Variants in KCNU1 observed in about 807,000 individuals in gnomAD.
The protein encoded by KCNU1 is potassium calcium-activated channel subfamily U member 1.
In KCNU1, 93 loss-of-function variants were observed where a neutral mutation model predicts 126.8. The observed-to-expected ratio is 0.73, with a 90% CI of 0.62 to 0.87. The LOEUF (loss-of-function observed/expected upper bound fraction) is 0.87. Ranked by LOEUF, KCNU1 falls within the 40% of genes least tolerant of loss-of-function variation. The pLI is 0.00. For missense variants in KCNU1, 1,330 were observed against 1,367.1 expected, an observed-to-expected ratio of 0.97 and a Z score of 0.43; for synonymous variants, 523 against 494.2, an observed-to-expected ratio of 1.06 and a Z score of -0.77.
In KCNU1 at chr8:36,882,620, G is replaced by A. The variant is rs1386592743; in HGVS notation, c.2009+18099G>A. 3.3e-5 allele frequency among the ~76,000 whole-genome samples: 5 copies of A among 151,630 alleles called. No homozygotes were observed. The East Asian group carries it at 9.7e-4, about 29-fold the overall frequency. On this transcript the variant is annotated intron_variant, in intron 19 of 26. Coordinates refer to ENST00000399881, the MANE Select transcript of KCNU1 (RefSeq NM_001031836.3). ...TTTTTTGAGGTGGAGTTTTGCTCTT[G>A]TTGCCCAGGCTGGAGTACAGTGGCA...
chr8:36,833,234 C>T (rs1394088276), intron 10 of KCNU1, among the ~76,000 whole-genome samples: 1 of 152,076 alleles, frequency 6.6e-6, no homozygotes, highest in Non-Finnish European at 1.5e-5. Flanking sequence ...GTCAAAATCT[C>T]TCATAACAGT....
intron 23 of KCNU1, 150 bp from the exon 24 acceptor site, chr8:36,922,340 A>T (rs1383692427): frequency 8.5e-6 from 6 of 705,864 alleles, no homozygotes; most frequent in East Asian, 2.7e-5. Context: ...GAAAAAAAAA[A>T]TGTACTGAAA....
chr8:36,817,499 C>CAAAAAAAAA (rs375306964), intron 9 of KCNU1, 151 bp from the exon 10 acceptor site: 21 of 234,696 alleles, frequency 8.9e-5, no homozygotes, highest in East Asian at 7.5e-4. Context: ...AACTCCATCT[C>CAAAAAAAAA]AAAAAAAAAA....
chr8:36,913,890 C>T (rs929948938), intron 22 of KCNU1, among the ~76,000 whole-genome samples: 3 of 152,022 alleles, frequency 2.0e-5, no homozygotes, highest in Admixed American at 6.5e-5. Flanking sequence ...CTTGAGCCAC[C>T]ACGCCTGGCC....
At chr8:36,790,409 A>T (rs932855103) in intron 2 of KCNU1, among the ~76,000 whole-genome samples, 4 of 152,250 alleles carry the variant, frequency 2.6e-5, no homozygotes, top group African/African-American at 9.6e-5. Flanking sequence ...GTTAGAAATT[A>T]ATGAATTATA....
At chr8:36,922,886 G>C (rs756993684) in intron 24 of KCNU1, 1 of 569,124 alleles carries the variant, frequency 1.8e-6, no homozygotes, top group Non-Finnish European at 3.3e-6. Flanking sequence ...AGTGAGTGTC[G>C]GCCTCTCAGC....
At chr8:36,877,179 T>C (rs1806305804) in intron 19 of KCNU1, among the ~76,000 whole-genome samples, 1 of 152,058 alleles carries the variant, frequency 6.6e-6, no homozygotes, top group Admixed American at 6.6e-5. Flanking sequence ...GGGCTAGCAG[T>C]TGGGGTAAGG....
intron 19 of KCNU1, among the ~76,000 whole-genome samples, chr8:36,898,197 A>C (rs1321111499): frequency 6.6e-6 from 1 of 152,120 alleles, no homozygotes; most frequent in Non-Finnish European, 1.5e-5. Flanking sequence ...GACTTCACAA[A>C]TAACTTCCTA....
At chr8:36,806,515 G>A (rs1346936812) in intron 5 of KCNU1, 135 bp downstream of exon 5, 2 of 587,810 alleles carry the variant, frequency 3.4e-6, no homozygotes, top group Non-Finnish European at 3.0e-6. Context: ...TAATAGTATG[G>A]TTTTGTCATA....
intron 19 of KCNU1, among the ~76,000 whole-genome samples, chr8:36,893,896 C>T (rs1807077086): frequency 1.3e-5 from 2 of 152,192 alleles, no homozygotes; most frequent in Non-Finnish European, 2.9e-5. Flanking sequence ...AGTTATTTTT[C>T]ATCTTCCTAT....
At chr8:36,860,691 T>C (rs1157027383) in intron 18 of KCNU1, among the ~76,000 whole-genome samples, 1 of 152,064 alleles carries the variant, frequency 6.6e-6, no homozygotes, top group Non-Finnish European at 1.5e-5. Context: ...ATTCCCCTAA[T>C]CCCCATCCCT....
chr8:36,922,527 T>C lies in KCNU1; in HGVS notation c.2634T>C (p.Gly878=). Residue 878 remains glycine (G), a synonymous_variant, in exon 24 of 27, where the codon GGT becomes GGC. Coordinates refer to ENST00000399881, the MANE Select transcript of KCNU1 (RefSeq NM_001031836.3). ...ACATTCACTTTATTGAACAGCTTGG[T>C]GGACTGGAAGGGTCCCTCCAAGAAA... is the stretch of plus-strand genomic sequence containing the variant. ...PSNIHFIEQL[G]GLEGSLQETN... The C allele has an allele frequency of 6.2e-7, 1 of 1,613,582 alleles. No individual in the cohort carries two copies. The highest frequency in any genetic ancestry group is 8.5e-7 in the Non-Finnish European group (1 of 1,179,706).
intron 19 of KCNU1, among the ~76,000 whole-genome samples, chr8:36,892,156 T>C (rs1018448951): frequency 7.2e-5 from 11 of 152,232 alleles, no homozygotes; most frequent in African/African-American, 2.6e-4. Context: ...TCAATAGGTT[T>C]TTATTTCTAT....
intron 18 of KCNU1, among the ~76,000 whole-genome samples, chr8:36,849,138 C>G (rs1408923721): frequency 1.3e-5 from 2 of 152,094 alleles, no homozygotes; most frequent in Non-Finnish European, 2.9e-5. Flanking sequence ...ACCCACAGCC[C>G]TGGAAACCAC....
chr8:36,804,480 G>T (rs1415091203), intron 3 of KCNU1, among the ~76,000 whole-genome samples: 1 of 152,146 alleles, frequency 6.6e-6, no homozygotes, highest in Non-Finnish European at 1.5e-5. Flanking sequence ...TTTCTCATAG[G>T]TTTCAAGCAA....
intron 4 of KCNU1, 33 bp from the exon 5 acceptor site, chr8:36,806,236 C>A: frequency 7.1e-7 from 1 of 1,414,064 alleles, no homozygotes; most frequent in Non-Finnish European, 9.8e-7. Flanking sequence ...TTGAGGGTAA[C>A]AGAATTTGTG....
chr8:36,836,182 T>C, intron 12 of KCNU1, 114 bp from the exon 13 acceptor site: 2 of 654,866 alleles, frequency 3.1e-6, no homozygotes, highest in Non-Finnish European at 5.4e-6. Context: ...AACTTTATTA[T>C]ATGCCAAGTT....
intron 16 of KCNU1, among the ~76,000 whole-genome samples, chr8:36,842,257 T>A (rs1424690142): frequency 6.6e-6 from 1 of 152,206 alleles, no homozygotes; most frequent in African/African-American, 2.4e-5. Flanking sequence ...CAAAATGCAA[T>A]AATTTTCAAT....
intron 7 of KCNU1, 110 bp from the exon 8 acceptor site, chr8:36,814,097 A>G (rs1803821280): frequency 1.3e-6 from 1 of 759,338 alleles, no homozygotes; most frequent in Non-Finnish European, 2.2e-6. Context: ...GCCATTTGGT[A>G]TTTCATTTGG....
Sources: allele counts gnomAD v4.1 joint callset (sites outside exome capture counted in the v4.1 genomes callset), GRCh38; gene constraint gnomAD v4.1.1; transcripts MANE v1.5; gene names NCBI Gene and HGNC (gene_info 2026-07-23, HGNC 2026-07-21).